UIMC1: variants seen among roughly 807,000 people sequenced by gnomAD.
The protein encoded by UIMC1 is BRCA1-A complex subunit RAP80.
Under a neutral mutation model 84.9 loss-of-function variants are expected in UIMC1, and 42 were observed. The observed-to-expected ratio is 0.49, with a 90% confidence interval of 0.39 to 0.64. The LOEUF is 0.64. Among genes scored for constraint, UIMC1 ranks in the 30% least tolerant of loss-of-function variants. UIMC1 has a pLI of 0.00. For missense variants in UIMC1, 825 were observed against 847.6 expected (o/e 0.97, Z 0.33); for synonymous variants, 281 against 293.0 (o/e 0.96, Z 0.42).
At chr5:176,942,349 A>T (rs934678860) in intron 10 of UIMC1, among the ~76,000 whole-genome samples, 28 of 152,186 alleles carry the variant, frequency 1.8e-4, no homozygotes, top group African/African-American at 6.5e-4. Flanking sequence ...TTCCACAGGA[A>T]TCTCAATATT....
chr5:176,922,129 C>T (rs564074628), intron 10 of UIMC1, among the ~76,000 whole-genome samples: 247 of 152,118 alleles, frequency 1.6e-3, no homozygotes, highest in African/African-American at 5.7e-3. Context: ...GTTCTAGTCA[C>T]TCTCCATCCC....
chr5:176,935,831 G>A (rs1763650992), intron 10 of UIMC1, among the ~76,000 whole-genome samples: 1 of 151,994 alleles, frequency 6.6e-6, no homozygotes, highest in African/African-American at 2.4e-5. Context: ...TAACTCTCAG[G>A]CATATCTATA....
At chr5:177,021,200 C>T (rs1027927841) in intron 1 of UIMC1, among the ~76,000 whole-genome samples, 1 of 152,136 alleles carries the variant, frequency 6.6e-6, no homozygotes, top group South Asian at 2.1e-4. Context: ...ATTGCTTGAA[C>T]CCGGGAGACG....
rs985766735 is a variant in UIMC1, at chr5:176,992,648, T to A, written c.-8-10025A>T. 4.6e-5 allele frequency among the ~76,000 whole-genome samples: 7 copies of A among 151,392 alleles called. No homozygotes were observed. In the Middle Eastern group the frequency reaches 0.01, roughly 224 times the overall value. ...CTTGTCTCTATAAAAAAAAAAAAAT[T>A]TTTTTTAATTAGCTGGGTATGGTGG... On this transcript the variant is annotated intron_variant, in intron 1 of 14. Transcript: ENST00000511320.
chr5:176,974,842 A>G (rs1394778981), intron 3 of UIMC1, among the ~76,000 whole-genome samples: 1 of 151,930 alleles, frequency 6.6e-6, no homozygotes, highest in Non-Finnish European at 1.5e-5. Context: ...GAATCATAAA[A>G]ACAGATTTTG....
At chr5:176,962,009 G>A (rs1426018210) in intron 6 of UIMC1, among the ~76,000 whole-genome samples, 1 of 41,640 alleles carries the variant, frequency 2.4e-5, no homozygotes, top group African/African-American at 1.2e-4. Context: ...CAGCCCCCCT[G>A]CCCGGCCAGC....
At chr5:176,985,623 G>A (rs1314851541) in intron 1 of UIMC1, among the ~76,000 whole-genome samples, 1 of 149,042 alleles carries the variant, frequency 6.7e-6, no homozygotes, top group Non-Finnish European at 1.5e-5. Context: ...TTTCTTTTTT[G>A]AGACAAGGTC....
At chr5:176,975,208 A>G (rs918985668) in intron 3 of UIMC1, among the ~76,000 whole-genome samples, 188 bp downstream of exon 3, 1 of 152,200 alleles carries the variant, frequency 6.6e-6, no homozygotes, top group African/African-American at 2.4e-5. Flanking sequence ...GCTTCCACTG[A>G]AGATACAGGA....
chr5:176,995,037 C>T (rs555685698), intron 1 of UIMC1, among the ~76,000 whole-genome samples: 11 of 152,094 alleles, frequency 7.2e-5, no homozygotes, highest in Non-Finnish European at 1.3e-4. Flanking sequence ...GTTATCAAGG[C>T]TCTGCCAGGG....
chr5:177,018,107 T>C (rs1246732909), intron 1 of UIMC1, among the ~76,000 whole-genome samples: 1 of 152,006 alleles, frequency 6.6e-6, no homozygotes, highest in East Asian at 1.9e-4. Context: ...TCCCAGCACT[T>C]TGGGAGGCCA....
At chr5:176,995,527 ACT>A (rs1485999996) in intron 1 of UIMC1, among the ~76,000 whole-genome samples, 1 of 107,864 alleles carries the variant, frequency 9.3e-6, no homozygotes, top group Non-Finnish European at 1.8e-5. Flanking sequence ...ACAGAGAAAG[ACT>A]CTGTCTCCAA....
At chr5:176,982,835 G>A (rs1771253873) in intron 1 of UIMC1, among the ~76,000 whole-genome samples, 1 of 152,066 alleles carries the variant, frequency 6.6e-6, no homozygotes, top group African/African-American at 2.4e-5. Context: ...GAGTAGCTGG[G>A]ACCACAGGCA....
intron 2 of UIMC1, 42 bp downstream of exon 2, chr5:176,982,426 GT>G: frequency 1.3e-6 from 2 of 1,585,050 alleles, no homozygotes; most frequent in Non-Finnish European, 1.7e-6. Flanking sequence ...AAGAAGCATA[GT>G]TTGAGAGCTA....
rs1480119356 is a variant in UIMC1 at position 176,956,229 on chromosome 5, T to C, written c.1263-194A>G. On this transcript the variant is annotated intron_variant, in intron 7 of 14. Transcript: ENST00000511320. The stretch of plus-strand genomic sequence containing the variant: ...CAGAAATATGGAAAATAAATATGCT[T>C]ACAACTTCAGTTCCAGTGAAATCAC... 2.0e-5 allele frequency among the ~76,000 whole-genome samples: 3 copies of C among 152,234 alleles called. No homozygotes were observed. In the East Asian group the frequency reaches 5.8e-4, roughly 29 times the overall value.
intron 1 of UIMC1, among the ~76,000 whole-genome samples, chr5:177,019,734 C>A (rs912342675): frequency 6.6e-6 from 1 of 151,824 alleles, no homozygotes; most frequent in Non-Finnish European, 1.5e-5. Flanking sequence ...GAGTTCAAGA[C>A]CAGCCTGGCC....
intron 9 of UIMC1, among the ~76,000 whole-genome samples, chr5:176,950,296 C>A (rs934555729): frequency 6.6e-6 from 1 of 150,694 alleles, no homozygotes; most frequent in Non-Finnish European, 1.5e-5. Flanking sequence ...GACATGGTTT[C>A]ACCATGTTGG....
intron 10 of UIMC1, among the ~76,000 whole-genome samples, chr5:176,928,519 A>G (rs954949097): frequency 2.0e-5 from 3 of 152,230 alleles, no homozygotes. Context: ...TGTAAATTAA[A>G]AGAGCCCGAG....
Position 176,982,629 on chromosome 5 carries a change from A to G in UIMC1, c.-8-6T>C, listed in dbSNP as rs188993002. The G allele has an allele frequency of 1.1e-5, 18 of 1,605,740 alleles. No homozygotes were observed. The Admixed American group carries it at 2.3e-4, about 20-fold the overall frequency. Reference sequence around the variant, plus strand: ...TCTCCGTGGCATCCTTTTGTCTAGAATAAAAGGACAATAATTTTGTCTAGA... The same window carrying G: ...TCTCCGTGGCATCCTTTTGTCTAGAGTAAAAGGACAATAATTTTGTCTAGA... On this transcript the variant is annotated splice_region_variant and splice_polypyrimidine_tract_variant and intron_variant, in intron 1 of 14. Transcript: ENST00000511320.
At chr5:176,938,194 A>G (rs528062136) in intron 10 of UIMC1, among the ~76,000 whole-genome samples, 4 of 148,778 alleles carry the variant, frequency 2.7e-5, no homozygotes, top group Non-Finnish European at 4.5e-5. Flanking sequence ...TGTCTCAAAA[A>G]AAAAAAAAAA....
Sources: allele counts gnomAD v4.1 joint callset (sites outside exome capture counted in the v4.1 genomes callset), GRCh38; gene constraint gnomAD v4.1.1; transcripts MANE v1.5; gene names NCBI Gene and HGNC (gene_info 2026-07-23, HGNC 2026-07-21).